Variants in LTF observed in about 807,000 individuals in gnomAD.
The protein encoded by LTF is lactotransferrin.
A neutral mutation model predicts 87.2 loss-of-function variants in LTF; 91 were observed. The ratio of observed to expected loss-of-function variants is 1.04; its 90% CI spans 0.88 to 1.24. The LOEUF is 1.24. Ranked by LOEUF, LTF falls within the 50% of genes most tolerant of loss-of-function variation. LTF has a pLI of 0.00. For synonymous variants in LTF, 378 were observed against 356.1 expected (o/e 1.06, Z -0.69); for missense variants, 901 against 904.3 (o/e 1.00, Z 0.05).
intron 1 of LTF, among the ~76,000 whole-genome samples, chr3:46,475,993 G>A (rs1486352428): frequency 6.6e-6 from 1 of 152,150 alleles, no homozygotes; most frequent in Non-Finnish European, 1.5e-5. Flanking sequence ...TTCTGCTTGT[G>A]AGATCATCCT....
At chr3:46,441,161 G>A (rs1399601779) in intron 14 of LTF, among the ~76,000 whole-genome samples, 1 of 137,798 alleles carries the variant, frequency 7.3e-6, no homozygotes, top group East Asian at 2.3e-4. Context: ...GCTAGTATCT[G>A]TGTGTGTGAG....
chr3:46,460,565 C>G (rs574239445), intron 1 of LTF: 1 of 456,026 alleles, frequency 2.2e-6, no homozygotes, highest in East Asian at 6.9e-5. Context: ...ATTTACTCAC[C>G]TGGTTGCCTG....
intron 2 of LTF, among the ~76,000 whole-genome samples, chr3:46,457,032 A>G (rs1240057413): frequency 1.3e-5 from 2 of 152,194 alleles, no homozygotes; most frequent in Non-Finnish European, 2.9e-5. Context: ...CACAGTTCAC[A>G]CTAGGGTTCA....
upstream of LTF, among the ~76,000 whole-genome samples, chr3:46,466,781 A>C (rs1421653084): frequency 6.6e-6 from 1 of 152,250 alleles, no homozygotes; most frequent in Non-Finnish European, 1.5e-5. Flanking sequence ...TACAAAATTG[A>C]CTAATTCCCA....
At chr3:46,448,368 T>TAAAA in intron 9 of LTF, among the ~76,000 whole-genome samples, 1 of 149,012 alleles carries the variant, frequency 6.7e-6, no homozygotes, top group South Asian at 2.1e-4. Flanking sequence ...ATCTGTCTCT[T>TAAAA]AAAAAAAAAA....
rs779686219 is a variant in LTF at position 46,456,327 on chromosome 3, C to G, written c.279G>C (p.Leu93=). Reference sequence around the variant, plus strand: ...CGTAGACTTCCGCCGCTACAGGTCGCAGTTTGTAGGGGGCCAGGCCTGCCT... The same window carrying G: ...CGTAGACTTCCGCCGCTACAGGTCGGAGTTTGTAGGGGGCCAGGCCTGCCT... The part of the protein sequence containing the change: ...IYEAGLAPYK[L]RPVAAEVYGT... Residue 93 remains leucine, a synonymous_variant, in exon 3 of 17, where the codon CTG becomes CTC. Coordinates refer to ENST00000231751, the MANE Select transcript of LTF (RefSeq NM_002343.6). 1 of 1,614,162 alleles carries G rather than the reference C, an allele frequency of 6.2e-7. No homozygotes were observed. The highest frequency in any genetic ancestry group is 8.5e-7 in the Non-Finnish European group (1 of 1,180,020).
intron 16 of LTF, among the ~76,000 whole-genome samples, chr3:46,436,466 C>T (rs1457329443): frequency 1.3e-5 from 2 of 152,224 alleles, no homozygotes; most frequent in East Asian, 3.8e-4. Flanking sequence ...CTGAGAGACA[C>T]AACCACCCTG....
In LTF at chr3:46,464,876, T is replaced by G; in HGVS notation, c.-9A>C. 1.2e-6 allele frequency: 2 copies of G among 1,613,996 alleles called. No homozygotes were observed. The highest frequency in any genetic ancestry group is 1.7e-6 in the Non-Finnish European group (2 of 1,179,976). ...AGGAAGACAAGTTTCATGTCTGCGG[T>G]CTGGAGGCGACTTGGCAAACGAAGG... On this transcript the variant is annotated 5_prime_UTR_variant, in exon 1 of 17. Transcript: ENST00000231751.
chr3:46,464,572 G>A (rs1452758548), intron 1 of LTF, among the ~76,000 whole-genome samples: 1 of 152,208 alleles, frequency 6.6e-6, no homozygotes, highest in Non-Finnish European at 1.5e-5. Context: ...ACAGGGGCCT[G>A]GGAGGCCTTT....
In LTF at chr3:46,464,171, C is replaced by A. The variant is rs531126715; in HGVS notation, c.43+654G>T. Among the ~76,000 whole-genome samples the A allele has an allele frequency of 5.3e-5, 8 of 152,282 alleles. No homozygotes were observed. In the South Asian group the frequency reaches 1.7e-3, roughly 32 times the overall value. ...CGCTGGGGAGTGCCCTCTGAGCACC[C>A]GAGAAATTACTTTGGTTATGGAACT... On this transcript the variant is annotated intron_variant, in intron 1 of 16. Coordinates refer to ENST00000231751, the MANE Select transcript of LTF (RefSeq NM_002343.6).
Position 46,438,116 on chromosome 3 carries a change from C to T in LTF, c.1922G>A (p.Arg641Lys). ...VLLHQQAKFGRNGSDCPDKFC... is the reference protein window; with the variant it reads ...VLLHQQAKFGKNGSDCPDKFC... ...CTTGTCCGGGCAGTCAGATCCATTT[C>T]TCCCAAATTTAGCCTGCGACAAAAG... The change falls in exon 16 of 17, where the codon AGA becomes AAA. Residue 641 changes from arginine (R) to lysine (K), a missense_variant. By Grantham distance (26) the Arg-to-Lys change is conservative (BLOSUM62 2). Transcript: ENST00000231751. 6.2e-7 allele frequency: 1 copy of T among 1,613,258 alleles called. No homozygotes were observed. Among genetic ancestry groups the T allele is most frequent in the Non-Finnish European group, 8.5e-7 (1 of 1,179,720 alleles).
At chr3:46,483,578 C>T (rs1457939063) in intron 1 of LTF, among the ~76,000 whole-genome samples, 1 of 152,054 alleles carries the variant, frequency 6.6e-6, no homozygotes, top group Non-Finnish European at 1.5e-5. Flanking sequence ...AAAATCAGTG[C>T]CCGTGAGGCC....
At chr3:46,439,223 C>A (rs1702455668) in intron 15 of LTF, 73 bp downstream of exon 15, 2 of 1,437,660 alleles carry the variant, frequency 1.4e-6, no homozygotes, top group East Asian at 4.6e-5. Context: ...GCTGGTGCAC[C>A]TAGCTCTGTG....
rs1016133041 is a variant in LTF at position 46,449,556 on chromosome 3, C to T, written c.1057+298G>A. 8.5e-5 allele frequency among the ~76,000 whole-genome samples: 13 copies of T among 152,172 alleles called. No individual in the cohort carries two copies. The South Asian group carries it at 1.0e-3, about 12-fold the overall frequency. ...GGAAGTGTGGGTAAATCCAGGCCCCCGGATTCATCCAGGAGGGGTCCTGGC... is the reference window on the plus strand; with the variant it reads ...GGAAGTGTGGGTAAATCCAGGCCCCTGGATTCATCCAGGAGGGGTCCTGGC... On this transcript the variant is annotated intron_variant, in intron 8 of 16. Coordinates refer to ENST00000231751, the MANE Select transcript of LTF (RefSeq NM_002343.6).
upstream of LTF, among the ~76,000 whole-genome samples, chr3:46,468,876 G>A (rs1559610615): frequency 6.6e-6 from 1 of 152,206 alleles, no homozygotes; most frequent in Non-Finnish European, 1.5e-5. Flanking sequence ...CATAGTCGAT[G>A]TATTTATGCC....
chr3:46,454,438 C>T, intron 5 of LTF, 78 bp from the exon 6 acceptor site: 1 of 1,216,188 alleles, frequency 8.2e-7, no homozygotes, highest in Middle Eastern at 1.9e-4. Context: ...AGCCCTGGCA[C>T]TCAGCATCTA....
intron 2 of LTF, among the ~76,000 whole-genome samples, chr3:46,457,557 C>T (rs967452981): frequency 5.3e-5 from 8 of 152,284 alleles, no homozygotes; most frequent in East Asian, 1.9e-4. Flanking sequence ...TTCAGAATGG[C>T]GCTGACCGTG....
upstream of LTF, chr3:46,468,445 G>T: frequency 4.9e-6 from 2 of 407,432 alleles, no homozygotes; most frequent in Non-Finnish European, 9.9e-6. Context: ...ACAGGCAGAT[G>T]TGTGAGGCTG....
chr3:46,436,844 C>A (rs1702398105), intron 16 of LTF, among the ~76,000 whole-genome samples: 1 of 152,154 alleles, frequency 6.6e-6, no homozygotes, highest in Non-Finnish European at 1.5e-5. Flanking sequence ...ACATTTGGGG[C>A]CTGATAATAA....
Sources: allele counts gnomAD v4.1 joint callset (sites outside exome capture counted in the v4.1 genomes callset), GRCh38; gene constraint gnomAD v4.1.1; transcripts MANE v1.5; gene names NCBI Gene and HGNC (gene_info 2026-07-23, HGNC 2026-07-21).